Variants in SDK1 observed in about 807,000 individuals in gnomAD.
The protein encoded by SDK1 is sidekick cell adhesion molecule 1.
SDK1 carries 157 observed loss-of-function variants against 245.5 expected under a neutral mutation model. That is an observed-to-expected ratio of 0.64 (90% CI 0.56 to 0.73). The LOEUF (loss-of-function observed/expected upper bound fraction) is 0.73, where lower values mean the gene tolerates loss of function less well. Among genes scored for constraint, SDK1 ranks in the 30% least tolerant of loss-of-function variants. SDK1 has a pLI of 0.00. For missense variants in SDK1, 3,583 were observed against 3,002.3 expected (o/e 1.19, Z -4.52); for synonymous variants, 1,647 against 1,278.5 (o/e 1.29, Z -6.15).
At chr7:3,437,807 T>G (rs1220852571) in intron 1 of SDK1, among the ~76,000 whole-genome samples, 1 of 152,212 alleles carries the variant, frequency 6.6e-6, no homozygotes. Flanking sequence ...CAAAAAATTA[T>G]TCAGATACCT....
At chr7:4,145,386 A>C (rs549076800) in intron 28 of SDK1, among the ~76,000 whole-genome samples, 120 of 152,254 alleles carry the variant, frequency 7.9e-4, no homozygotes, top group African/African-American at 2.6e-3. Flanking sequence ...AGGGAGAGGC[A>C]GAGACTGAGA....
At chr7:3,755,393 G>A (rs530681752) in intron 4 of SDK1, among the ~76,000 whole-genome samples, 7 of 152,268 alleles carry the variant, frequency 4.6e-5, no homozygotes, top group African/African-American at 1.7e-4. Flanking sequence ...TTCTCACGCG[G>A]GTGGGAGTTG....
At chr7:4,209,910 T>C in intron 37 of SDK1, 115 bp from the exon 38 acceptor site, 1 of 999,966 alleles carries the variant, frequency 1.0e-6, no homozygotes, top group Non-Finnish European at 1.4e-6. Flanking sequence ...AGACTTTTAC[T>C]GAGTTGAAAA....
At chr7:3,358,287 G>C (rs377642473) in intron 1 of SDK1, among the ~76,000 whole-genome samples, 2 of 152,284 alleles carry the variant, frequency 1.3e-5, no homozygotes, top group Admixed American at 6.5e-5. Flanking sequence ...CTCCCAAAGT[G>C]CTGGGATTAG....
At chr7:3,589,142 A>T (rs1425711960) in intron 1 of SDK1, among the ~76,000 whole-genome samples, 1 of 152,238 alleles carries the variant, frequency 6.6e-6, no homozygotes, top group Non-Finnish European at 1.5e-5. Flanking sequence ...TTCACAGTTA[A>T]TGTGGGCCTT....
chr7:3,672,305 A>G (rs145340247), intron 4 of SDK1, among the ~76,000 whole-genome samples: 2 of 152,130 alleles, frequency 1.3e-5, no homozygotes, highest in African/African-American at 4.8e-5. Flanking sequence ...ACGTTATTCT[A>G]TCACAGCAAG....
At chr7:4,107,834 G>A (rs113938934) in intron 22 of SDK1, among the ~76,000 whole-genome samples, 15 of 152,268 alleles carry the variant, frequency 9.9e-5, no homozygotes, top group East Asian at 9.7e-4. Context: ...GCTGTGGTGC[G>A]TGTTCTCCAT....
intron 4 of SDK1, among the ~76,000 whole-genome samples, chr7:3,749,094 T>C (rs1459316504): frequency 6.6e-6 from 1 of 152,182 alleles, no homozygotes; most frequent in Non-Finnish European, 1.5e-5. Context: ...AATCAGATGA[T>C]ATAATAGATA....
chr7:3,477,142 G>A (rs1377793699), intron 1 of SDK1, among the ~76,000 whole-genome samples: 1 of 145,402 alleles, frequency 6.9e-6, no homozygotes, highest in Admixed American at 6.8e-5. Flanking sequence ...TTTCCTATTT[G>A]TAGCTTGAAA....
At chr7:3,903,304 C>T (rs1218007832) in intron 5 of SDK1, among the ~76,000 whole-genome samples, 5 of 152,020 alleles carry the variant, frequency 3.3e-5, no homozygotes, top group African/African-American at 9.6e-5. Flanking sequence ...CCACCATGGC[C>T]GGCTAATTTT....
intron 1 of SDK1, among the ~76,000 whole-genome samples, chr7:3,332,574 T>G (rs1780095906): frequency 6.6e-6 from 1 of 152,212 alleles, no homozygotes; most frequent in South Asian, 2.1e-4. Flanking sequence ...TTATTGCCAT[T>G]TATAATAAAT....
At chr7:4,214,439 G>A (rs1233009959) in intron 38 of SDK1, among the ~76,000 whole-genome samples, 1 of 152,206 alleles carries the variant, frequency 6.6e-6, no homozygotes, top group Admixed American at 6.5e-5. Context: ...TGTCTCTTTT[G>A]TCTGTTGCGA....
intron 4 of SDK1, among the ~76,000 whole-genome samples, chr7:3,677,086 T>C (rs1174949153): frequency 1.3e-5 from 2 of 152,204 alleles, no homozygotes; most frequent in Non-Finnish European, 2.9e-5. Context: ...GTGGCTAATT[T>C]TGTACTTTTT....
chr7:3,642,912 C>T (rs1344335436), intron 4 of SDK1: 2 of 152,232 alleles, frequency 1.3e-5, no homozygotes, highest in African/African-American at 2.4e-5. Context: ...AGTGGTTGCA[C>T]TCAGATAAAA....
At position 3,703,494 on chromosome 7, in the gene SDK1, G is replaced by A. The variant is rs143254852; in HGVS notation, c.713+61389G>A. 7.2e-5 allele frequency among the ~76,000 whole-genome samples: 11 copies of A among 152,320 alleles called. No individual in the cohort carries two copies. In the East Asian group the frequency reaches 2.1e-3, roughly 29 times the overall value. Reference sequence around the variant, plus strand: ...AGATGTGTCTATTAGAGTAGCAAGAGGGAGGTGTGTATGGTGATGGCAGTT... The same window carrying A: ...AGATGTGTCTATTAGAGTAGCAAGAAGGAGGTGTGTATGGTGATGGCAGTT... On this transcript the variant is annotated intron_variant, in intron 4 of 44. Transcript: ENST00000404826.
chr7:3,685,626 T>TA (rs1202441900), intron 4 of SDK1, among the ~76,000 whole-genome samples: 1 of 152,130 alleles, frequency 6.6e-6, no homozygotes, highest in African/African-American at 2.4e-5. Flanking sequence ...TGCTACTCAG[T>TA]GAATGTAGAA....
chr7:3,421,722 T>G (rs1468205905), intron 1 of SDK1, among the ~76,000 whole-genome samples: 1 of 152,194 alleles, frequency 6.6e-6, no homozygotes, highest in East Asian at 1.9e-4. Context: ...TTCTTTGGGC[T>G]TGACAGTGGA....
intron 1 of SDK1, among the ~76,000 whole-genome samples, chr7:3,597,695 G>A (rs992561508): frequency 2.0e-5 from 3 of 152,160 alleles, no homozygotes; most frequent in African/African-American, 7.2e-5. Flanking sequence ...GGGCCTAGGG[G>A]AGAGGGGCTC....
chr7:3,913,143 G>A (rs1321427448), intron 5 of SDK1, among the ~76,000 whole-genome samples: 1 of 152,164 alleles, frequency 6.6e-6, no homozygotes, highest in East Asian at 1.9e-4. Flanking sequence ...GGTACCGGGG[G>A]CCCTGCCATG....
Sources: allele counts gnomAD v4.1 joint callset (sites outside exome capture counted in the v4.1 genomes callset), GRCh38; gene constraint gnomAD v4.1.1; transcripts MANE v1.5; gene names NCBI Gene and HGNC (gene_info 2026-07-23, HGNC 2026-07-21).